Variants in CD36 observed in about 807,000 individuals in gnomAD.
The protein encoded by CD36 is platelet glycoprotein 4.
Under a neutral mutation model 55.2 loss-of-function variants are expected in CD36, and 119 were observed. The observed-to-expected ratio is 2.15, with a 90% CI of 1.86 to 2.51. CD36 has a LOEUF of 2.51. Among genes scored for constraint, CD36 ranks in the 30% most tolerant of loss-of-function variants. The pLI is 0.00. For missense variants in CD36, 819 were observed against 555.5 expected, an observed-to-expected ratio of 1.47 and a Z score of -4.77; for synonymous variants, 186 against 193.6, an observed-to-expected ratio of 0.96 and a Z score of 0.33.
intron 1 of CD36, among the ~76,000 whole-genome samples, chr7:80,614,244 G>A (rs1336981167): frequency 6.6e-6 from 1 of 152,102 alleles, no homozygotes; most frequent in Non-Finnish European, 1.5e-5. Flanking sequence ...TCCGTATTGT[G>A]GAGAAACAAT....
rs1289075677 is a variant in CD36, at chr7:80,678,821, T to C, written c.*2438T>C. On this transcript the variant is annotated 3_prime_UTR_variant, in exon 15 of 15. Transcript: ENST00000447544. ...ATCGCGTCACTGCACTCCAGCCTGG[T>C]GACAGAGCGAGATTCCATCTCAAAA... 1 of 149,938 alleles carries C rather than the reference T, an allele frequency of 6.7e-6. No individual in the cohort carries two copies. The highest frequency in any genetic ancestry group is 1.5e-5 in the Non-Finnish European group (1 of 67,696). 9.3% of individuals were successfully genotyped at this position (149,938 alleles called of 1,614,324 possible).
At chr7:80,657,603 A>G (rs563261577) in intron 4 of CD36, among the ~76,000 whole-genome samples, 18 of 152,120 alleles carry the variant, frequency 1.2e-4, no homozygotes, top group African/African-American at 3.9e-4. Context: ...AGGTACTGGT[A>G]GCTCCTAGAT....
chr7:80,672,735 A>G, intron 11 of CD36, 35 bp from the exon 12 acceptor site: 2 of 1,415,614 alleles, frequency 1.4e-6, no homozygotes, highest in African/African-American at 1.4e-5. Flanking sequence ...TAATGTTTTT[A>G]AAAGTTGGTA....
chr7:80,620,425 C>T (rs909832957), intron 1 of CD36, among the ~76,000 whole-genome samples: 1 of 152,084 alleles, frequency 6.6e-6, no homozygotes, highest in African/African-American at 2.4e-5. Flanking sequence ...CAGGGAAATG[C>T]TTATTTATGT....
chr7:80,662,094 C>A (rs867824460), intron 5 of CD36, among the ~76,000 whole-genome samples: 10 of 152,236 alleles, frequency 6.6e-5, no homozygotes, highest in South Asian at 6.2e-4. Flanking sequence ...AACACAAAAT[C>A]CTAAAAAGTA....
Position 80,664,558 on chromosome 7 carries a change from T to C in CD36, c.701+61T>C, listed in dbSNP as rs575337261. 1.8e-4 allele frequency: 168 copies of C among 910,796 alleles called. 1 individual carries two copies. The highest frequency in any genetic ancestry group is 1.6e-3 in the South Asian group (124 of 76,872). The allele number at this position is 910,796 out of a possible 1,614,324, so 56.4% of individuals were successfully genotyped here. A position where few individuals can be genotyped will look rare whatever the true frequency, so the allele number is the denominator to read the frequency against. On this transcript the variant is annotated intron_variant, in intron 7 of 14. Coordinates refer to ENST00000447544, the MANE Select transcript of CD36 (RefSeq NM_001001548.3). ...AGGGTACTCTTAAGCAGGAATAGTA[T>C]TCATTTAACATCTCATAAGACATAG...
chr7:80,654,103 A>G (rs1464793222), intron 3 of CD36, among the ~76,000 whole-genome samples: 1 of 152,162 alleles, frequency 6.6e-6, no homozygotes, highest in East Asian at 1.9e-4. Flanking sequence ...ATTTGTCGCT[A>G]GAGATATTTT....
At position 80,676,947 on chromosome 7, in the gene CD36, T is replaced by G. The variant is rs753575570; in HGVS notation, c.*564T>G. The G allele has an allele frequency of 2.6e-5, 4 of 152,168 alleles. No homozygotes were observed. The highest frequency in any genetic ancestry group is 5.9e-5 in the Non-Finnish European group (4 of 68,028). The allele number at this position is 152,168 out of a possible 1,614,324, so 9.4% of individuals were successfully genotyped here. ...TATGCATTGTTATTCATTATAATAT[T>G]TTTTGCTGTCATAATCGCCTCATAA... On this transcript the variant is annotated 3_prime_UTR_variant, in exon 15 of 15. Coordinates refer to ENST00000447544, the MANE Select transcript of CD36 (RefSeq NM_001001548.3).
intron 3 of CD36, among the ~76,000 whole-genome samples, chr7:80,647,883 GGTTA>G (rs1416560916): frequency 4.6e-5 from 7 of 151,964 alleles, no homozygotes; most frequent in Non-Finnish European, 8.8e-5. Flanking sequence ...CTAGACAAAG[GGTTA>G]GTAAGCATAG....
At chr7:80,612,576 C>T (rs1375322424) in intron 1 of CD36, among the ~76,000 whole-genome samples, 1 of 152,142 alleles carries the variant, frequency 6.6e-6, no homozygotes, top group African/African-American at 2.4e-5. Flanking sequence ...TGAAAATATG[C>T]ACCTCTGTGG....
At chr7:80,633,298 C>T (rs893707345) in intron 1 of CD36, 7 of 152,026 alleles carry the variant, frequency 4.6e-5, no homozygotes, top group African/African-American at 1.7e-4. Flanking sequence ...CACATGAGAA[C>T]TACCTACATA....
chr7:80,625,722 T>C (rs891021112), intron 1 of CD36, among the ~76,000 whole-genome samples: 1 of 152,142 alleles, frequency 6.6e-6, no homozygotes, highest in Non-Finnish European at 1.5e-5. Context: ...ATGTACTGTA[T>C]AGTAATGCTA....
At chr7:80,652,953 CTTTT>C (rs1448970965) in intron 3 of CD36, among the ~76,000 whole-genome samples, 1 of 152,102 alleles carries the variant, frequency 6.6e-6, no homozygotes. Flanking sequence ...CAAAATTCAA[CTTTT>C]TTTGATTTTC....
At chr7:80,649,867 A>C (rs1795464594) in intron 3 of CD36, among the ~76,000 whole-genome samples, 1 of 148,314 alleles carries the variant, frequency 6.7e-6, no homozygotes, top group South Asian at 2.1e-4. Context: ...GAAACAAACA[A>C]AGAGTACAAT....
At chr7:80,645,382 C>T (rs1795091002) in intron 1 of CD36, among the ~76,000 whole-genome samples, 1 of 151,404 alleles carries the variant, frequency 6.6e-6, no homozygotes, top group African/African-American at 2.4e-5. Context: ...GCCTGTCATC[C>T]CAGCACTTTG....
At chr7:80,676,057 T>A (rs191341444) in intron 14 of CD36, 1 of 152,148 alleles carries the variant, frequency 6.6e-6, no homozygotes, top group African/African-American at 2.4e-5. Context: ...CTAGAGAAAC[T>A]GAACTGATTA....
chr7:80,672,727 A>C, intron 11 of CD36, 43 bp from the exon 12 acceptor site: 2 of 1,328,118 alleles, frequency 1.5e-6, no homozygotes, highest in Non-Finnish European at 2.1e-6. Context: ...GTATAAAATA[A>C]TGTTTTTAAA....
chr7:80,664,852 TA>T lies in CD36; in HGVS notation c.701+369del, dbSNP rs11464530. 1.9e-4 allele frequency among the ~76,000 whole-genome samples: 27 copies of T among 144,170 alleles called. 1 individual carries two copies. The highest frequency in any genetic ancestry group is 4.8e-4 in the Admixed American group (7 of 14,580). The allele number at this position is 144,170 out of a possible 152,430, so 94.6% of individuals were successfully genotyped here. On this transcript the variant is annotated intron_variant, in intron 7 of 14. Transcript: ENST00000447544. ...AATTAGATAACCATAAATGAAAAGG[TA>T]AAAAAAAAAAAAACAACACATCAAC...
upstream of CD36, among the ~76,000 whole-genome samples, chr7:80,635,285 G>GTTTTTGT (rs1188844737): frequency 6.6e-6 from 1 of 151,830 alleles, no homozygotes; most frequent in Non-Finnish European, 1.5e-5. Flanking sequence ...TGTTGTTTTT[G>GTTTTTGT]TTTTTTGAGA....
Sources: allele counts gnomAD v4.1 joint callset (sites outside exome capture counted in the v4.1 genomes callset), GRCh38; gene constraint gnomAD v4.1.1; transcripts MANE v1.5; gene names NCBI Gene and HGNC (gene_info 2026-07-23, HGNC 2026-07-21).